CTNNA3: variants seen among roughly 807,000 people sequenced by gnomAD.
The protein encoded by CTNNA3 is catenin alpha-3.
In CTNNA3, 76 loss-of-function variants were observed where a neutral mutation model predicts 95.7. That is an observed-to-expected ratio of 0.79 (90% CI 0.66 to 0.96). The LOEUF (loss-of-function observed/expected upper bound fraction) is 0.96. Among genes scored for constraint, CTNNA3 ranks in the 40% least tolerant of loss-of-function variants. The pLI is 0.00. For missense variants in CTNNA3, 1,191 were observed against 1,089.8 expected (o/e 1.09, Z -1.31); for synonymous variants, 431 against 374.4 (o/e 1.15, Z -1.74).
At chr10:67,662,704 G>A (rs61869463) in intron 1 of CTNNA3, among the ~76,000 whole-genome samples, 1 of 152,212 alleles carries the variant, frequency 6.6e-6, no homozygotes, top group African/African-American at 2.4e-5. Context: ...AACAGTTGAT[G>A]TAATCAGTTG....
chr10:66,766,112 G>A (rs1304213319), intron 9 of CTNNA3, 152 bp downstream of exon 9: 22 of 635,264 alleles, frequency 3.5e-5, no homozygotes, highest in South Asian at 2.3e-4. Flanking sequence ...CTATACAATC[G>A]GACATATACA....
chr10:66,143,300 G>C (rs2083709863), intron 13 of CTNNA3, among the ~76,000 whole-genome samples: 1 of 152,050 alleles, frequency 6.6e-6, no homozygotes, highest in Non-Finnish European at 1.5e-5. Flanking sequence ...AAATAGAAAG[G>C]AGTATACTTT....
upstream of CTNNA3, among the ~76,000 whole-genome samples, chr10:67,697,736 G>A (rs1399657696): frequency 6.8e-6 from 1 of 147,254 alleles, no homozygotes; most frequent in African/African-American, 2.6e-5. Flanking sequence ...ATTTTAAAGA[G>A]CTTTTATAGT....
At chr10:66,979,958 G>T (rs1458707665) in intron 7 of CTNNA3, among the ~76,000 whole-genome samples, 1 of 152,162 alleles carries the variant, frequency 6.6e-6, no homozygotes, top group African/African-American at 2.4e-5. Context: ...ACACCAGGGG[G>T]TTCCATCAAG....
At position 67,349,328 on chromosome 10, in the gene CTNNA3, T is replaced by TAAAGAA. The variant is rs1262071756; in HGVS notation, c.580-129464_580-129459dup. On this transcript the variant is annotated intron_variant, in intron 5 of 17. Coordinates refer to ENST00000433211, the MANE Select transcript of CTNNA3 (RefSeq NM_013266.4). ...AAATGTCCATCAACAAATGAATGAA[T>TAAAGAA]AAAGAAAATGTTGTATCTATATACA... Among the ~76,000 whole-genome samples the TAAAGAA allele has an allele frequency of 2.0e-5, 3 of 148,836 alleles. No homozygotes were observed. In the East Asian group the frequency reaches 5.8e-4, roughly 29 times the overall value.
At chr10:67,539,390 T>G in intron 4 of CTNNA3, 113 bp downstream of exon 4, 1 of 1,091,320 alleles carries the variant, frequency 9.2e-7, no homozygotes, top group Non-Finnish European at 1.3e-6. Flanking sequence ...TCTGAAGGGG[T>G]GATGTTAAGA....
intron 7 of CTNNA3, among the ~76,000 whole-genome samples, chr10:67,068,729 T>A (rs760178212): frequency 1.3e-4 from 20 of 152,268 alleles, no homozygotes; most frequent in Non-Finnish European, 1.2e-4. Context: ...AAATAATCCA[T>A]CAGATTTGTT....
chr10:66,270,573 A>C (rs2091259049), intron 13 of CTNNA3, among the ~76,000 whole-genome samples: 1 of 152,200 alleles, frequency 6.6e-6, no homozygotes, highest in Non-Finnish European at 1.5e-5. Flanking sequence ...GGGAACAAAG[A>C]AAACAGATAA....
chr10:67,689,647 T>C (rs955422486), intron 1 of CTNNA3, among the ~76,000 whole-genome samples: 3 of 152,080 alleles, frequency 2.0e-5, no homozygotes, highest in Admixed American at 1.3e-4. Context: ...ACCAACTTGT[T>C]GTTGGGACCC....
intron 13 of CTNNA3, chr10:66,118,192 T>A (rs1448811546): frequency 6.6e-6 from 1 of 152,226 alleles, no homozygotes; most frequent in Non-Finnish European, 1.5e-5. Flanking sequence ...TAAGTACAGG[T>A]GGCATCTACT....
Position 66,670,437 on chromosome 10 carries a change from G to A in CTNNA3, c.1282-48653C>T, listed in dbSNP as rs556649991. Among the ~76,000 whole-genome samples, 8 of 152,212 alleles carry A rather than the reference G, an allele frequency of 5.3e-5. No homozygotes were observed. The South Asian group carries it at 1.5e-3, about 28-fold the overall frequency. On this transcript the variant is annotated intron_variant, in intron 9 of 17. Coordinates refer to ENST00000433211, the MANE Select transcript of CTNNA3 (RefSeq NM_013266.4). ...TTCCTTGGGGCTCTTCTCCAGGGAT[G>A]GTTCTTAACTTCCAGAGATCAATCA...
chr10:67,030,438 T>A (rs1281848877), intron 7 of CTNNA3, among the ~76,000 whole-genome samples: 1 of 152,142 alleles, frequency 6.6e-6, no homozygotes, highest in Admixed American at 6.5e-5. Flanking sequence ...AATTAAGGAA[T>A]TAATCTTGAA....
intron 5 of CTNNA3, among the ~76,000 whole-genome samples, chr10:67,321,551 AC>A (rs1470070800): frequency 6.6e-6 from 1 of 152,186 alleles, no homozygotes; most frequent in East Asian, 1.9e-4. Flanking sequence ...AGATCCCAAC[AC>A]AGACCATAAT....
chr10:67,184,165 T>C (rs141949800), intron 6 of CTNNA3, among the ~76,000 whole-genome samples: 119 of 152,320 alleles, frequency 7.8e-4, no homozygotes, highest in Non-Finnish European at 1.4e-3. Flanking sequence ...ACTCTTATAA[T>C]AAGTAGTTAT....
At chr10:67,546,626 T>C (rs929777097) in intron 3 of CTNNA3, among the ~76,000 whole-genome samples, 3 of 152,172 alleles carry the variant, frequency 2.0e-5, no homozygotes, top group Admixed American at 1.3e-4. Context: ...CTTAAATAAA[T>C]GTTTAAACTT....
intron 1 of CTNNA3, among the ~76,000 whole-genome samples, chr10:67,673,156 C>A (rs1341302752): frequency 6.6e-5 from 10 of 151,308 alleles, no homozygotes; most frequent in Admixed American, 5.3e-4. Context: ...ATTTGGCTCT[C>A]TGTTTGTCTG....
At chr10:67,551,151 G>C (rs560138332) in intron 3 of CTNNA3, among the ~76,000 whole-genome samples, 3 of 152,184 alleles carry the variant, frequency 2.0e-5, no homozygotes, top group Non-Finnish European at 4.4e-5. Flanking sequence ...GACTCTGGCA[G>C]GCAGACACAC....
At chr10:66,735,966 C>T (rs546521250) in intron 9 of CTNNA3, among the ~76,000 whole-genome samples, 6 of 152,262 alleles carry the variant, frequency 3.9e-5, no homozygotes, top group Middle Eastern at 3.4e-3. Context: ...CTTACCCTTG[C>T]CTTGGGAACA....
chr10:67,700,140 C>T (rs1564835813), upstream of CTNNA3, among the ~76,000 whole-genome samples: 1 of 152,234 alleles, frequency 6.6e-6, no homozygotes, highest in East Asian at 1.9e-4. Flanking sequence ...ATGGGTGGAG[C>T]CCACCACAGC....
Sources: allele counts gnomAD v4.1 joint callset (sites outside exome capture counted in the v4.1 genomes callset), GRCh38; gene constraint gnomAD v4.1.1; transcripts MANE v1.5; gene names NCBI Gene and HGNC (gene_info 2026-07-23, HGNC 2026-07-21).